MFSD8: variants seen among roughly 807,000 people sequenced by gnomAD.
MFSD8 encodes the protein major facilitator superfamily domain containing 8, also known as major facilitator superfamily domain-containing protein 8.
Under a neutral mutation model 66.4 loss-of-function variants are expected in MFSD8, and 55 were observed. The ratio of observed to expected loss-of-function variants is 0.83; its 90% CI spans 0.67 to 1.04. The LOEUF (loss-of-function observed/expected upper bound fraction) is 1.04. MFSD8 is among the 50% of genes least tolerant of loss of function. MFSD8 has a pLI of 0.00. For missense variants in MFSD8, 550 were observed against 627.6 expected (o/e 0.88, Z 1.32); for synonymous variants, 202 against 212.8 (o/e 0.95, Z 0.44).
chr4:127,938,917 T>C, intron 6 of MFSD8, 79 bp from the exon 7 acceptor site: 1 of 1,090,962 alleles, frequency 9.2e-7, no homozygotes, highest in Non-Finnish European at 1.4e-6. Context: ...CGGCATTGTA[T>C]TTTTTTTCAC....
At chr4:127,961,109 C>T (rs1471674185) in intron 1 of MFSD8, among the ~76,000 whole-genome samples, 1 of 152,050 alleles carries the variant, frequency 6.6e-6, no homozygotes, top group Non-Finnish European at 1.5e-5. Context: ...CTCCACCAGA[C>T]CAGCAAATAA....
intron 9 of MFSD8, among the ~76,000 whole-genome samples, chr4:127,922,916 TG>T (rs1266459125): frequency 3.3e-5 from 5 of 152,160 alleles, no homozygotes; most frequent in African/African-American, 1.2e-4. Flanking sequence ...GCTACTTACA[TG>T]TTAAGAAGAG....
At chr4:127,950,879 G>A (rs1291410846) in intron 2 of MFSD8, among the ~76,000 whole-genome samples, 1 of 150,986 alleles carries the variant, frequency 6.6e-6, no homozygotes, top group African/African-American at 2.4e-5. Context: ...CCAGCATGGA[G>A]AAACCCCTCT....
In MFSD8 at chr4:127,949,803, C is replaced by T. The variant is rs761969307; in HGVS notation, c.198+1G>A. On this transcript the variant is annotated splice_donor_variant, in intron 3 of 11. Coordinates refer to ENST00000641686, the MANE Select transcript of MFSD8 (RefSeq NM_001371596.2). LOFTEE classifies it high-confidence loss of function. ...GGAAAAATAGATTGAAATGTACAAA[C>T]CTTTTGGAGATATGGCCATATGGAC... The T allele has an allele frequency of 2.5e-6, 4 of 1,611,806 alleles. No individual in the cohort carries two copies. Among genetic ancestry groups the T allele is most frequent in the Non-Finnish European group, 3.4e-6 (4 of 1,178,818 alleles).
intron 1 of MFSD8, 91 bp downstream of exon 1, chr4:127,964,981 G>C (rs981848361): frequency 1.4e-6 from 2 of 1,475,464 alleles, no homozygotes; most frequent in Middle Eastern, 2.1e-4. Context: ...CTCTGGCAGC[G>C]AGGGTTTGTC....
At chr4:127,956,142 T>A (rs866029730) in intron 2 of MFSD8, among the ~76,000 whole-genome samples, 8 of 150,174 alleles carry the variant, frequency 5.3e-5, no homozygotes, top group African/African-American at 2.0e-4. Context: ...ATAATAAAAT[T>A]TTTTTAAAAA....
At chr4:127,958,247 A>G (rs913454515) in intron 1 of MFSD8, among the ~76,000 whole-genome samples, 5 of 152,330 alleles carry the variant, frequency 3.3e-5, no homozygotes, top group Admixed American at 2.0e-4. Flanking sequence ...TACTAAGTAG[A>G]TATCTTACCT....
intron 8 of MFSD8, among the ~76,000 whole-genome samples, chr4:127,932,135 C>A (rs749628707): frequency 3.3e-5 from 5 of 151,988 alleles, no homozygotes; most frequent in Non-Finnish European, 5.9e-5. Context: ...AAAGTTAACA[C>A]GATAAATTTT....
Position 127,952,360 on chromosome 4 carries a change from C to A in MFSD8, c.155-2513G>T, listed in dbSNP as rs141825090. On this transcript the variant is annotated intron_variant, in intron 2 of 11. Coordinates refer to ENST00000641686, the MANE Select transcript of MFSD8 (RefSeq NM_001371596.2). Reference sequence around the variant, plus strand: ...CGAAGCTTGCAGTGAGCAGAGATTGCGCTACTGCACTCCAGCCTGGGTGAC... The same window carrying A: ...CGAAGCTTGCAGTGAGCAGAGATTGAGCTACTGCACTCCAGCCTGGGTGAC... Among the ~76,000 whole-genome samples the A allele has an allele frequency of 5.2e-3, 786 of 150,924 alleles. 9 individuals carry two copies. Among genetic ancestry groups the A allele is most frequent in the African/African-American group, 0.018 (759 of 41,168 alleles).
intron 6 of MFSD8, 50 bp from the exon 7 acceptor site, chr4:127,938,888 AGTT>A (rs1316867298): frequency 7.1e-7 from 1 of 1,408,388 alleles, no homozygotes; most frequent in South Asian, 1.2e-5. Context: ...TTAATAGAGA[AGTT>A]GTTTAAATTT....
intron 9 of MFSD8, among the ~76,000 whole-genome samples, chr4:127,930,480 T>A (rs1737940990): frequency 6.6e-6 from 1 of 151,992 alleles, no homozygotes; most frequent in Non-Finnish European, 1.5e-5. Flanking sequence ...TAAATAAGAG[T>A]CAATTATATA....
At chr4:127,921,073 T>TA (rs1314336020) in intron 11 of MFSD8, 2 of 575,510 alleles carry the variant, frequency 3.5e-6, no homozygotes, top group African/African-American at 3.7e-5. Context: ...CTGGGAATAA[T>TA]AAAATTGATT....
chr4:127,923,568 TTATTATTA>T, intron 9 of MFSD8, among the ~76,000 whole-genome samples: 1 of 145,196 alleles, frequency 6.9e-6, no homozygotes, highest in Non-Finnish European at 1.5e-5. Flanking sequence ...ATTATTATTA[TTATTATTA>T]TTATTATTAT....
chr4:127,936,024 T>C (rs1402213611), intron 7 of MFSD8, among the ~76,000 whole-genome samples: 2 of 152,154 alleles, frequency 1.3e-5, no homozygotes, highest in Non-Finnish European at 2.9e-5. Context: ...AAATTTCAGA[T>C]AAACAATAAG....
chr4:127,929,800 G>C (rs1737835037), intron 9 of MFSD8, among the ~76,000 whole-genome samples: 1 of 152,154 alleles, frequency 6.6e-6, no homozygotes, highest in African/African-American at 2.4e-5. Context: ...AGCTAGAAAA[G>C]AGTAATTCAA....
chr4:127,956,746 A>G (rs1187730253), intron 2 of MFSD8, among the ~76,000 whole-genome samples: 1 of 140,670 alleles, frequency 7.1e-6, no homozygotes, highest in Non-Finnish European at 1.5e-5. Flanking sequence ...TGAATCTGGG[A>G]GGTGGAGGTT....
In MFSD8 at chr4:127,943,439, C is replaced by T. The variant is rs569002374; in HGVS notation, c.439+313G>A. On this transcript the variant is annotated intron_variant, in intron 4 of 11. Transcript: ENST00000641686. ...CTCCCTATGTTACCCAGGCTGGCCT[C>T]GAACTCCTGGGCTCAAGAGATTCTG... 2.3e-5 allele frequency: 6 copies of T among 259,846 alleles called. No individual in the cohort carries two copies. In the East Asian group the frequency reaches 3.1e-4, roughly 13 times the overall value. The allele number at this position is 259,846 out of a possible 1,614,324, so 16.1% of individuals were successfully genotyped here.
At chr4:127,964,087 G>C (rs1378777722) in intron 1 of MFSD8, among the ~76,000 whole-genome samples, 1 of 152,236 alleles carries the variant, frequency 6.6e-6, no homozygotes, top group Non-Finnish European at 1.5e-5. Context: ...GCTAGATACA[G>C]AGTGCCGATT....
intron 8 of MFSD8, among the ~76,000 whole-genome samples, chr4:127,931,589 T>G (rs1186851483): frequency 6.6e-6 from 1 of 152,166 alleles, no homozygotes; most frequent in Non-Finnish European, 1.5e-5. Context: ...ACTCCTGACC[T>G]CAAGTGATAC....
Sources: allele counts gnomAD v4.1 joint callset (sites outside exome capture counted in the v4.1 genomes callset), GRCh38; gene constraint gnomAD v4.1.1; transcripts MANE v1.5; gene names NCBI Gene and HGNC (gene_info 2026-07-23, HGNC 2026-07-21).